The following MBIP variants were observed in gnomAD, a reference collection of about 807,000 sequenced individuals.
The protein encoded by MBIP is MAP3K12-binding inhibitory protein 1.
Under a neutral mutation model 45.7 loss-of-function variants are expected in MBIP, and 32 were observed. The observed-to-expected ratio is 0.70, with a 90% confidence interval of 0.53 to 0.94. MBIP has a LOEUF of 0.94. Among genes scored for constraint, MBIP ranks in the 40% least tolerant of loss-of-function variants. The pLI is 0.00. For synonymous variants in MBIP, 145 were observed against 141.0 expected, an observed-to-expected ratio of 1.03 and a Z score of -0.20; for missense variants, 381 against 405.5, an observed-to-expected ratio of 0.94 and a Z score of 0.52.
intron 7 of MBIP, among the ~76,000 whole-genome samples, chr14:36,306,568 C>T (rs1879892319): frequency 6.6e-6 from 1 of 152,096 alleles, no homozygotes; most frequent in East Asian, 1.9e-4. Flanking sequence ...CCACTGCATC[C>T]GGCCTCTGTT....
At chr14:36,311,108 C>T (rs947131250) in intron 6 of MBIP, among the ~76,000 whole-genome samples, 3 of 152,082 alleles carry the variant, frequency 2.0e-5, no homozygotes, top group African/African-American at 7.2e-5. Context: ...AAAACAGAAT[C>T]AACAGACATG....
intron 7 of MBIP, among the ~76,000 whole-genome samples, chr14:36,305,644 T>C (rs1879820082): frequency 6.6e-6 from 1 of 152,178 alleles, no homozygotes; most frequent in Non-Finnish European, 1.5e-5. Context: ...CAATGGACTC[T>C]CACACTACAC....
chr14:36,318,842 G>C (rs911601194), intron 1 of MBIP, among the ~76,000 whole-genome samples: 1 of 151,912 alleles, frequency 6.6e-6, no homozygotes, highest in East Asian at 1.9e-4. Flanking sequence ...AGAAAATACT[G>C]ATTTCTCTGG....
chr14:36,317,817 T>C (rs553357310), intron 1 of MBIP, among the ~76,000 whole-genome samples: 4 of 152,092 alleles, frequency 2.6e-5, no homozygotes, highest in Non-Finnish European at 5.9e-5. Flanking sequence ...ATAAAGGTGT[T>C]ACGTGAGTTC....
At chr14:36,307,967 T>C (rs993972314) in intron 7 of MBIP, 125 bp downstream of exon 7, 4 of 573,482 alleles carry the variant, frequency 7.0e-6, no homozygotes, top group African/African-American at 5.7e-5. Flanking sequence ...TACAGGACTG[T>C]GTTCATTCAT....
At position 36,298,982 on chromosome 14, in the gene MBIP, G is replaced by T; in HGVS notation, c.*101C>A. On this transcript the variant is annotated 3_prime_UTR_variant, in exon 9 of 9. Transcript: ENST00000416007. The stretch of plus-strand genomic sequence containing the variant: ...TGTGAAAATAAACCTTGACTTCACA[G>T]AGAAGTCTACATTGATAAATATATA... 1 of 771,968 alleles carries T rather than the reference G, an allele frequency of 1.3e-6. No homozygotes were observed. The allele number at this position is 771,968 out of a possible 1,614,324, so 47.8% of individuals were successfully genotyped here. A position where few individuals can be genotyped will look rare whatever the true frequency, so the allele number is the denominator to read the frequency against.
At chr14:36,315,056 C>T (rs1880485033) in intron 2 of MBIP, 141 bp from the exon 3 acceptor site, 3 of 608,756 alleles carry the variant, frequency 4.9e-6, no homozygotes, top group African/African-American at 3.7e-5. Context: ...TATACCAGGA[C>T]ACATAGATCT....
chr14:36,311,267 TG>T (rs1880185125), intron 6 of MBIP, among the ~76,000 whole-genome samples: 1 of 151,940 alleles, frequency 6.6e-6, no homozygotes, highest in South Asian at 2.1e-4. Flanking sequence ...AAGTACAACC[TG>T]GGCAAGACTG....
chr14:36,303,130 G>C (rs1479509548), intron 7 of MBIP, among the ~76,000 whole-genome samples: 1 of 152,204 alleles, frequency 6.6e-6, no homozygotes, highest in Non-Finnish European at 1.5e-5. Flanking sequence ...TGGTAGGTTA[G>C]AGGTGTTGAA....
intron 6 of MBIP, among the ~76,000 whole-genome samples, chr14:36,309,492 G>A (rs1379832321): frequency 6.6e-6 from 1 of 152,184 alleles, no homozygotes; most frequent in Non-Finnish European, 1.5e-5. Flanking sequence ...CTGACTGAAT[G>A]AATACATGAT....
chr14:36,303,196 C>T (rs930010030), intron 7 of MBIP, among the ~76,000 whole-genome samples: 4 of 152,024 alleles, frequency 2.6e-5, no homozygotes, highest in African/African-American at 7.2e-5. Flanking sequence ...GGGACATAAC[C>T]CCATCTGTAT....
intron 7 of MBIP, among the ~76,000 whole-genome samples, chr14:36,307,435 G>A (rs1345476616): frequency 6.6e-6 from 1 of 151,820 alleles, no homozygotes; most frequent in African/African-American, 2.4e-5. Context: ...AGAGAAGGCA[G>A]GTATTATACA....
chr14:36,314,456 A>G (rs1165579675), intron 4 of MBIP, 56 bp downstream of exon 4: 3 of 951,320 alleles, frequency 3.2e-6, no homozygotes, highest in Non-Finnish European at 4.8e-6. Flanking sequence ...AAAAGATTAG[A>G]GCAACTATAA....
chr14:36,315,403 A>T (rs1366444975), intron 2 of MBIP, among the ~76,000 whole-genome samples: 1 of 152,136 alleles, frequency 6.6e-6, no homozygotes, highest in Non-Finnish European at 1.5e-5. Flanking sequence ...GAGATTCTCC[A>T]CTTGAAACTG....
At chr14:36,307,299 C>T (rs1566549942) in intron 7 of MBIP, among the ~76,000 whole-genome samples, 1 of 152,116 alleles carries the variant, frequency 6.6e-6, no homozygotes, top group South Asian at 2.1e-4. Context: ...TCACCACTAA[C>T]TTATATGATC....
chr14:36,304,859 C>A (rs545771280), intron 7 of MBIP, among the ~76,000 whole-genome samples: 104 of 152,254 alleles, frequency 6.8e-4, no homozygotes, highest in African/African-American at 2.3e-3. Context: ...AATCTCTATC[C>A]AATTGTAAGA....
intron 4 of MBIP, 156 bp downstream of exon 4, chr14:36,314,356 G>A (rs1463358137): frequency 1.8e-6 from 1 of 548,554 alleles, no homozygotes; most frequent in East Asian, 3.0e-5. Context: ...CTATTATTAA[G>A]CAGAAGGAAA....
chr14:36,307,407 A>G (rs1006387373), intron 7 of MBIP, among the ~76,000 whole-genome samples: 1 of 148,560 alleles, frequency 6.7e-6, no homozygotes, highest in Non-Finnish European at 1.5e-5. Context: ...GTACTGCTTT[A>G]AAAAAAAAAC....
intron 8 of MBIP, among the ~76,000 whole-genome samples, chr14:36,299,682 A>G (rs529425412): frequency 6.6e-6 from 1 of 152,306 alleles, no homozygotes; most frequent in South Asian, 2.1e-4. Context: ...TGCTAATTAT[A>G]CTACTACCAG....
Sources: allele counts gnomAD v4.1 joint callset (sites outside exome capture counted in the v4.1 genomes callset), GRCh38; gene constraint gnomAD v4.1.1; transcripts MANE v1.5; gene names NCBI Gene and HGNC (gene_info 2026-07-23, HGNC 2026-07-21).